Variants in BUB1 observed in about 807,000 individuals in gnomAD.
The protein encoded by BUB1 is BUB1 mitotic checkpoint serine/threonine kinase, also known as mitotic checkpoint serine/threonine-protein kinase BUB1.
In BUB1, 84 loss-of-function variants were observed where a neutral mutation model predicts 135.2. The ratio of observed to expected loss-of-function variants is 0.62; its 90% CI spans 0.52 to 0.74. The LOEUF (loss-of-function observed/expected upper bound fraction) is 0.74, where lower values mean the gene tolerates loss of function less well. BUB1 is among the 30% of genes least tolerant of loss of function. BUB1 has a pLI of 0.00. For synonymous variants in BUB1, 403 were observed against 434.4 expected, an observed-to-expected ratio of 0.93 and a Z score of 0.90; for missense variants, 1,162 against 1,288.3, an observed-to-expected ratio of 0.90 and a Z score of 1.50.
At chr2:110,676,000 C>A (rs779065542) in intron 1 of BUB1, among the ~76,000 whole-genome samples, 12 of 151,382 alleles carry the variant, frequency 7.9e-5, no homozygotes, top group Non-Finnish European at 1.3e-4. Context: ...TGAATGAAAT[C>A]AATGTTTCTT....
chr2:110,668,954 G>C (rs10203271), intron 6 of BUB1, among the ~76,000 whole-genome samples: 12,863 of 152,216 alleles, frequency 0.085, 957 homozygotes, highest in African/African-American at 0.19. Flanking sequence ...GGAAACATAA[G>C]AGATACACAA....
chr2:110,672,988 G>A, intron 3 of BUB1, 131 bp from the exon 4 acceptor site: 1 of 908,552 alleles, frequency 1.1e-6, no homozygotes, highest in Non-Finnish European at 1.6e-6. Flanking sequence ...CAAAACCAAG[G>A]CAGGTTTAGA....
At chr2:110,640,888 C>A in intron 23 of BUB1, 146 bp downstream of exon 23, 2 of 676,418 alleles carry the variant, frequency 3.0e-6, no homozygotes, top group Admixed American at 3.5e-5. Context: ...GAATTCTATC[C>A]CTGCCATGTT....
intron 17 of BUB1, among the ~76,000 whole-genome samples, chr2:110,651,651 C>A (rs993176694): frequency 3.9e-5 from 6 of 152,164 alleles, no homozygotes; most frequent in Admixed American, 3.3e-4. Context: ...TAGGCCCTCA[C>A]GTTCACTCAC....
At chr2:110,642,043 G>A (rs1369117613) in intron 20 of BUB1, 76 bp downstream of exon 20, 2 of 1,202,572 alleles carry the variant, frequency 1.7e-6, no homozygotes, top group Non-Finnish European at 2.3e-6. Flanking sequence ...CTATCTTAAA[G>A]AAAAAAAATT....
intron 6 of BUB1, 129 bp from the exon 7 acceptor site, chr2:110,667,978 T>C: frequency 1.3e-6 from 1 of 751,676 alleles, no homozygotes. Context: ...ATTTATGTAA[T>C]TTTAAATTAT....
At chr2:110,667,373 A>G (rs1037957467) in intron 8 of BUB1, 148 bp downstream of exon 8, 12 of 896,704 alleles carry the variant, frequency 1.3e-5, no homozygotes, top group Non-Finnish European at 1.9e-5. Context: ...ATGGGTTAAT[A>G]ATGATTTCTG....
chr2:110,661,397 A>AT lies in BUB1; in HGVS notation c.1217+184dup, dbSNP rs1690078146. On this transcript the variant is annotated intron_variant, in intron 10 of 24. Coordinates refer to ENST00000302759, the MANE Select transcript of BUB1 (RefSeq NM_004336.5). ...ATAAATATTCTAAAAGAAGCATGGA[A>AT]TAAGTAAGCCTAAAGGATTGGGAGC... is the stretch of plus-strand genomic sequence containing the variant. 6.1e-6 allele frequency: 4 copies of AT among 655,110 alleles called. 1 individual carries two copies. The highest frequency in any genetic ancestry group is 3.5e-5 in the Admixed American group (1 of 28,668). The allele number at this position is 655,110 out of a possible 1,614,324, so 40.6% of individuals were successfully genotyped here. A position where few individuals can be genotyped will look rare whatever the true frequency, so the allele number is the denominator to read the frequency against.
At chr2:110,674,535 A>T (rs1690520441) in intron 1 of BUB1, among the ~76,000 whole-genome samples, 170 bp from the exon 2 acceptor site, 1 of 152,252 alleles carries the variant, frequency 6.6e-6, no homozygotes, top group Non-Finnish European at 1.5e-5. Context: ...TTAAATATCG[A>T]TCCAAATAGT....
intron 1 of BUB1, among the ~76,000 whole-genome samples, chr2:110,675,647 G>A (rs556708055): frequency 3.3e-5 from 5 of 151,486 alleles, no homozygotes; most frequent in East Asian, 1.9e-4. Context: ...AAAGCAATAT[G>A]TATTTTTATT....
chr2:110,650,940 T>G (rs1689769174), intron 17 of BUB1, among the ~76,000 whole-genome samples, 156 bp from the exon 18 acceptor site: 1 of 152,052 alleles, frequency 6.6e-6, no homozygotes, highest in Non-Finnish European at 1.5e-5. Context: ...CAAACAAATC[T>G]ATGAAAATAT....
chr2:110,639,924 A>C (rs528634792), intron 23 of BUB1, 76 bp from the exon 24 acceptor site: 1 of 1,212,682 alleles, frequency 8.2e-7, no homozygotes, highest in Admixed American at 1.7e-5. Flanking sequence ...TGTCTAACTT[A>C]GGCAGCAAGT....
chr2:110,643,218 T>A (rs922711101), intron 19 of BUB1, among the ~76,000 whole-genome samples: 2 of 152,000 alleles, frequency 1.3e-5, no homozygotes, highest in South Asian at 2.1e-4. Context: ...GACAGACAAG[T>A]GGACGCAGAG....
intron 4 of BUB1, among the ~76,000 whole-genome samples, chr2:110,671,888 T>C (rs1209160531): frequency 2.0e-5 from 3 of 152,272 alleles, no homozygotes; most frequent in East Asian, 1.9e-4. Context: ...TGTTTAATCA[T>C]AGAAAAAGTT....
At chr2:110,639,994 A>G (rs904584894) in intron 23 of BUB1, 146 bp from the exon 24 acceptor site, 8 of 728,750 alleles carry the variant, frequency 1.1e-5, no homozygotes, top group Non-Finnish European at 2.0e-5. Flanking sequence ...CAATCGCCCC[A>G]CTAACATGTC....
chr2:110,662,798 C>A (rs529250238), intron 9 of BUB1, among the ~76,000 whole-genome samples: 2 of 151,726 alleles, frequency 1.3e-5, no homozygotes, highest in Admixed American at 1.3e-4. Context: ...TGAGCCCCTG[C>A]CTCAAAACAC....
rs1689398025 is a variant in BUB1, at chr2:110,637,623, TAC to T, written c.*339_*340del. Reference sequence around the variant, plus strand: ...GTGTGTGTGTGTGTGTGTGTGTGTTTACACAGACACCAAACTTCAAATTTGGA... The same window carrying T: ...GTGTGTGTGTGTGTGTGTGTGTGTTTACAGACACCAAACTTCAAATTTGGA... On this transcript the variant is annotated 3_prime_UTR_variant, in exon 25 of 25. Coordinates refer to ENST00000302759, the MANE Select transcript of BUB1 (RefSeq NM_004336.5). The T allele has an allele frequency of 6.0e-6, 1 of 167,294 alleles. No homozygotes were observed. The highest frequency in any genetic ancestry group is 1.3e-5 in the Non-Finnish European group (1 of 78,814). 10.4% of individuals were successfully genotyped at this position (167,294 alleles called of 1,614,324 possible).
rs758301204 is a variant in BUB1, at chr2:110,677,980, T to C, written c.16A>G (p.Asn6Asp). The change falls in exon 1 of 25, where the codon AAT becomes GAT. Residue 6 changes from asparagine to aspartate, a missense_variant. Physicochemically the swap from Asn to Asp is conservative, Grantham distance 23. Transcript: ENST00000302759. ...CAGACGGACACTTACTGAAGGACAT[T>C]TTCCGGGGTGTCCATGGCCAGAGGA... MDTPE[N>D]VLQMLEAHMQ... 7 of 1,609,448 alleles carry C rather than the reference T, an allele frequency of 4.3e-6. No individual in the cohort carries two copies. In the South Asian group the frequency reaches 6.7e-5, roughly 15 times the overall value.
intron 19 of BUB1, among the ~76,000 whole-genome samples, chr2:110,643,222 C>T (rs1228995220): frequency 1.3e-5 from 2 of 152,078 alleles, no homozygotes; most frequent in Non-Finnish European, 2.9e-5. Context: ...GACAAGTGGA[C>T]GCAGAGAATC....
Sources: allele counts gnomAD v4.1 joint callset (sites outside exome capture counted in the v4.1 genomes callset), GRCh38; gene constraint gnomAD v4.1.1; transcripts MANE v1.5; gene names NCBI Gene and HGNC (gene_info 2026-07-23, HGNC 2026-07-21).